The following RPS6KA1 variants were observed in gnomAD, a reference collection of about 807,000 sequenced individuals.
RPS6KA1 encodes ribosomal protein S6 kinase alpha-1.
Under a neutral mutation model 91.3 loss-of-function variants are expected in RPS6KA1, and 48 were observed. That is an observed-to-expected ratio of 0.53 (90% CI 0.42 to 0.67). The LOEUF (loss-of-function observed/expected upper bound fraction) is 0.67. Among genes scored for constraint, RPS6KA1 ranks in the 30% least tolerant of loss-of-function variants. The pLI is 0.00. For synonymous variants in RPS6KA1, 359 were observed against 384.7 expected (o/e 0.93, Z 0.78); for missense variants, 719 against 960.5 (o/e 0.75, Z 3.32).
intron 2 of RPS6KA1, chr1:26,544,237 C>A: frequency 2.2e-6 from 1 of 455,900 alleles, no homozygotes; most frequent in Non-Finnish European, 4.4e-6. Flanking sequence ...TGCTGCCTAC[C>A]TCTGTCTGTG....
chr1:26,554,732 G>T lies in RPS6KA1; in HGVS notation c.750G>T (p.Val250=). 6.2e-7 allele frequency: 1 copy of T among 1,600,126 alleles called. No individual in the cohort carries two copies. The highest frequency in any genetic ancestry group is 1.1e-5 in the South Asian group (1 of 90,552). The change falls in exon 9 of 22, where the codon GTG becomes GTT. Residue 250 remains valine, a synonymous_variant. Coordinates refer to ENST00000374168, the MANE Select transcript of RPS6KA1 (RefSeq NM_002953.4). The surrounding 1 kb of genome is among the most constrained non-coding windows in gnomAD (Gnocchi z 4.6). Reference sequence around the variant, plus strand: ...GTGCGGACTGGTGGTCCTATGGGGTGTTGATGGTGAGTGCCCAGACAGGGG... The same window carrying T: ...GTGCGGACTGGTGGTCCTATGGGGTTTTGATGGTGAGTGCCCAGACAGGGG... ...SHSADWWSYG[V]LMFEMLTGSL... is the part of the protein sequence containing the mutation.
At chr1:26,543,245 C>G (rs1416870772) in intron 2 of RPS6KA1, 2 of 1,488,146 alleles carry the variant, frequency 1.3e-6, no homozygotes, top group Non-Finnish European at 1.8e-6. Flanking sequence ...TCGCCTGCCT[C>G]CAGCGGTGTC....
In RPS6KA1 at chr1:26,574,086, T is replaced by C. The variant is rs1300709842; in HGVS notation, c.2093T>C (p.Met698Thr). 1.1e-5 allele frequency: 18 copies of C among 1,613,984 alleles called. No homozygotes were observed. Among genetic ancestry groups the C allele is most frequent in the Non-Finnish European group, 1.4e-5 (17 of 1,179,900 alleles). ...HQDLQLVKGA[M>T]AATYSALNSS... ...TCCCCACTTCTCTTTCAGGGAGCCATGGCTGCCACGTACTCCGCACTCAAC... is the reference window on the plus strand; with the variant it reads ...TCCCCACTTCTCTTTCAGGGAGCCACGGCTGCCACGTACTCCGCACTCAAC... Residue 698 changes from methionine to threonine, a missense_variant, in exon 22 of 22, where the codon ATG becomes ACG. This residue lies in a region of RPS6KA1 where 249 missense variants were observed against 323.1 expected (regional missense o/e 0.77). Transcript: ENST00000374168. The surrounding 1 kb of genome is among the most constrained non-coding windows in gnomAD (Gnocchi z 4.3).
chr1:26,566,002 T>C (rs1169385309), intron 17 of RPS6KA1, among the ~76,000 whole-genome samples: 1 of 152,218 alleles, frequency 6.6e-6, no homozygotes. Flanking sequence ...CATTCTCCTG[T>C]TAATAGACAC....
chr1:26,567,555 AT>A (rs1187846971), intron 17 of RPS6KA1, among the ~76,000 whole-genome samples: 1 of 151,968 alleles, frequency 6.6e-6, no homozygotes, highest in Non-Finnish European at 1.5e-5. Flanking sequence ...TAACTTTTGT[AT>A]TTTTAGTAGA....
chr1:26,551,407 C>A lies in RPS6KA1; in HGVS notation c.318C>A (p.Arg106=). 5 of 1,614,088 alleles carry A rather than the reference C, an allele frequency of 3.1e-6. No homozygotes were observed. In the South Asian group the frequency reaches 5.5e-5, roughly 18 times the overall value. Residue 106 remains arginine (R), a synonymous_variant, in exon 5 of 22, where the codon CGC becomes CGA. Transcript: ENST00000374168. This position sits in a 1 kb window ranked among gnomAD's most constrained non-coding sequence, Gnocchi z 4.5. Reference sequence around the variant, plus strand: ...TTCTCGTCTGGCCAGTACGTGACCGCGTCCGGACCAAGATGGAGAGAGACA... The same window carrying A: ...TTCTCGTCTGGCCAGTACGTGACCGAGTCCGGACCAAGATGGAGAGAGACA... ...LKKATLKVRD[R]VRTKMERDIL...
At chr1:26,549,994 C>A (rs1193139528) in intron 4 of RPS6KA1, among the ~76,000 whole-genome samples, 4 of 152,084 alleles carry the variant, frequency 2.6e-5, no homozygotes, top group Admixed American at 2.6e-4. Context: ...ATTCTCCTGC[C>A]TCGGCCTCAC....
In RPS6KA1 at chr1:26,554,439, T is replaced by C. The variant is rs1023255903; in HGVS notation, c.614-157T>C. On this transcript the variant is annotated intron_variant, in intron 8 of 21. Transcript: ENST00000374168. This position sits in a 1 kb window ranked among gnomAD's most constrained non-coding sequence, Gnocchi z 4.6. ...AATCCCAGCCCCTCATTGTGTAACG[T>C]TGAGCAAGTCACCTGACCTCTCTGG... The C allele has an allele frequency of 5.1e-6, 6 of 1,173,798 alleles. No homozygotes were observed. Among genetic ancestry groups the C allele is most frequent in the African/African-American group, 1.5e-5 (1 of 65,196 alleles). The allele number at this position is 1,173,798 out of a possible 1,614,324, so 72.7% of individuals were successfully genotyped here.
chr1:26,554,410 C>T lies in RPS6KA1; in HGVS notation c.613+159C>T, dbSNP rs2124640990. The T allele has an allele frequency of 9.0e-7, 1 of 1,106,462 alleles. No homozygotes were observed. The highest frequency in any genetic ancestry group is 1.3e-6 in the Non-Finnish European group (1 of 765,904). The allele number at this position is 1,106,462 out of a possible 1,614,324, so 68.5% of individuals were successfully genotyped here. A position where few individuals can be genotyped will look rare whatever the true frequency, so the allele number is the denominator to read the frequency against. On this transcript the variant is annotated intron_variant, in intron 8 of 21. Coordinates refer to ENST00000374168, the MANE Select transcript of RPS6KA1 (RefSeq NM_002953.4). The surrounding 1 kb of genome is among the most constrained non-coding windows in gnomAD (Gnocchi z 4.6). ...GGCCTCAGACTTGGAACACCCTCAGCTGGAATCCCAGCCCCTCATTGTGTA... is the reference window on the plus strand; with the variant it reads ...GGCCTCAGACTTGGAACACCCTCAGTTGGAATCCCAGCCCCTCATTGTGTA...
chr1:26,537,632 C>T (rs1341435419), intron 2 of RPS6KA1, among the ~76,000 whole-genome samples: 1 of 152,190 alleles, frequency 6.6e-6, no homozygotes, highest in Non-Finnish European at 1.5e-5. Flanking sequence ...TTGGCTTTCT[C>T]ATCTGTATAT....
rs141533618 is a variant in RPS6KA1 at position 26,554,682 on chromosome 1, G to A, written c.700G>A (p.Val234Ile). The change falls in exon 9 of 22, where the codon GTC (valine) becomes ATC (isoleucine). Residue 234 changes from valine (V) to isoleucine (I), a missense_variant. Val to Ile is a conservative substitution (Grantham distance 29). Transcript: ENST00000374168. The surrounding 1 kb of genome is among the most constrained non-coding windows in gnomAD (Gnocchi z 4.6). ...GTVEYMAPEV[V>I]NRQGHSHSAD... ...AGTGGAGTACATGGCCCCTGAGGTC[G>A]TCAACCGCCAGGGCCACTCCCATAG... 603 of 1,613,240 alleles carry A rather than the reference G, an allele frequency of 3.7e-4. 1 individual carries two copies. The Middle Eastern group carries it at 4.8e-3, about 13-fold the overall frequency.
chr1:26,565,062 A>G (rs2076187288), intron 17 of RPS6KA1, among the ~76,000 whole-genome samples: 2 of 152,184 alleles, frequency 1.3e-5, no homozygotes. Flanking sequence ...ATAGATAACC[A>G]CTTGGTGAGG....
intron 11 of RPS6KA1, chr1:26,556,205 C>T: frequency 4.9e-6 from 1 of 205,320 alleles, no homozygotes; most frequent in East Asian, 1.2e-4. Context: ...CTCCTGGGTT[C>T]ATCTGGTCCA....
At chr1:26,532,247 C>T (rs1215618885) in intron 1 of RPS6KA1, among the ~76,000 whole-genome samples, 1 of 152,150 alleles carries the variant, frequency 6.6e-6, no homozygotes, top group East Asian at 1.9e-4. Context: ...TGTCCCCAGG[C>T]CCAGTTCTGC....
rs934545828 is a variant in RPS6KA1 at position 26,572,167 on chromosome 1, T to C, written c.1830-9T>C. Reference sequence around the variant, plus strand: ...AGTCTGTACCCAGACCGTGCGGGCTTTTCTGCAGATATACTCCATTTGCCA... The same window carrying C: ...AGTCTGTACCCAGACCGTGCGGGCTCTTCTGCAGATATACTCCATTTGCCA... On this transcript the variant is annotated splice_polypyrimidine_tract_variant and intron_variant, in intron 19 of 21. Transcript: ENST00000374168. 9 of 1,611,500 alleles carry C rather than the reference T, an allele frequency of 5.6e-6. No homozygotes were observed. Among genetic ancestry groups the C allele is most frequent in the Non-Finnish European group, 7.6e-6 (9 of 1,177,808 alleles).
chr1:26,560,600 C>CA (rs2076145324), intron 14 of RPS6KA1, 126 bp from the exon 15 acceptor site: 1 of 1,233,238 alleles, frequency 8.1e-7, no homozygotes, highest in South Asian at 1.4e-5. Flanking sequence ...ACATGGCCAA[C>CA]ACTCTACCCC....
At chr1:26,552,111 T>C (rs138237712) in intron 6 of RPS6KA1, among the ~76,000 whole-genome samples, 76 of 152,272 alleles carry the variant, frequency 5.0e-4, no homozygotes, top group African/African-American at 1.7e-3. Flanking sequence ...GATTTGAGGC[T>C]GGGCGCAGCG....
intron 21 of RPS6KA1, 63 bp downstream of exon 21, chr1:26,573,424 C>A: frequency 6.3e-7 from 1 of 1,591,800 alleles, no homozygotes. Context: ...TGGTCAGGGA[C>A]TTGTGGAAGA....
Position 26,555,511 on chromosome 1 carries a change from T to G in RPS6KA1, c.828-26T>G. ...GGGGCCTCTGGGGCAGGGCTCAGCC[T>G]TGATGAGTCCCGGGGGCTGTTTCAG... On this transcript the variant is annotated intron_variant, in intron 10 of 21. Coordinates refer to ENST00000374168, the MANE Select transcript of RPS6KA1 (RefSeq NM_002953.4). This position sits in a 1 kb window ranked among gnomAD's most constrained non-coding sequence, Gnocchi z 4.3. 1.3e-6 allele frequency: 2 copies of G among 1,563,080 alleles called. No individual in the cohort carries two copies. The highest frequency in any genetic ancestry group is 1.7e-6 in the Non-Finnish European group (2 of 1,152,120).
Sources: allele counts gnomAD v4.1 joint callset (sites outside exome capture counted in the v4.1 genomes callset), GRCh38; gene constraint gnomAD v4.1.1; regional missense constraint gnomAD v4.1.1; non-coding constraint Gnocchi (gnomAD v3.1); transcripts MANE v1.5; gene names NCBI Gene and HGNC (gene_info 2026-07-23, HGNC 2026-07-21).